FGF14: variants seen among roughly 807,000 people sequenced by gnomAD.
FGF14 encodes fibroblast growth factor 14.
FGF14 carries 5 observed loss-of-function variants against 25.5 expected under a neutral mutation model. That is an observed-to-expected ratio of 0.20 (90% CI 0.10 to 0.41). The LOEUF (loss-of-function observed/expected upper bound fraction) is 0.41. FGF14 is among the 10% of genes least tolerant of loss of function. The pLI, the probability that FGF14 is intolerant of heterozygous loss-of-function variation, is 1.00. For synonymous variants in FGF14, 138 were observed against 118.3 expected, an observed-to-expected ratio of 1.17 and a Z score of -1.08; for missense variants, 222 against 320.1, an observed-to-expected ratio of 0.69 and a Z score of 2.34.
rs2034661376 is a variant in FGF14, at chr13:101,715,212, C to T, written c.*7619G>A. On this transcript the variant is annotated 3_prime_UTR_variant, in exon 5 of 5. Transcript: ENST00000376143. ...TCTCTTCACGGATTACTTGGCCTGC[C>T]TCATGTTATGTCAAAGAGCCTTATG... The T allele has an allele frequency of 4.9e-6, 1 of 202,298 alleles. No homozygotes were observed. The highest frequency in any genetic ancestry group is 1.0e-5 in the Non-Finnish European group (1 of 98,774). The allele number at this position is 202,298 out of a possible 1,614,324, so 12.5% of individuals were successfully genotyped here. A position where few individuals can be genotyped will look rare whatever the true frequency, so the allele number is the denominator to read the frequency against.
chr13:102,027,516 GT>G (rs1328259879), intron 1 of FGF14, among the ~76,000 whole-genome samples: 3 of 151,960 alleles, frequency 2.0e-5, no homozygotes, highest in Non-Finnish European at 4.4e-5. Flanking sequence ...TGTTGCAAAG[GT>G]TTAAATTATC....
At chr13:101,941,526 C>T (rs1046118487) in intron 1 of FGF14, among the ~76,000 whole-genome samples, 2 of 152,132 alleles carry the variant, frequency 1.3e-5, no homozygotes, top group Non-Finnish European at 2.9e-5. Flanking sequence ...AACAAACTGT[C>T]CTGAGTTGCA....
intron 1 of FGF14, among the ~76,000 whole-genome samples, chr13:101,894,112 G>T (rs538210351): frequency 8.1e-4 from 122 of 151,502 alleles, no homozygotes; most frequent in South Asian, 5.9e-3. Context: ...TTTTGCATTT[G>T]GAATAGCCCT....
intron 1 of FGF14, among the ~76,000 whole-genome samples, chr13:102,335,634 G>C (rs986148592): frequency 6.6e-6 from 1 of 152,176 alleles, no homozygotes; most frequent in Non-Finnish European, 1.5e-5. Flanking sequence ...GGAAGTACCA[G>C]ATACAATGCA....
intron 3 of FGF14, among the ~76,000 whole-genome samples, chr13:101,806,701 T>C (rs1370429523): frequency 6.6e-6 from 1 of 152,150 alleles, no homozygotes; most frequent in African/African-American, 2.4e-5. Flanking sequence ...CTGAAAATGT[T>C]ATTTAATTTG....
chr13:102,163,659 G>C (rs1475636138), intron 1 of FGF14, among the ~76,000 whole-genome samples: 1 of 152,116 alleles, frequency 6.6e-6, no homozygotes, highest in Admixed American at 6.6e-5. Context: ...TGATCTGGCT[G>C]GCTGCAAAGG....
chr13:102,325,605 C>G (rs1320840128), intron 1 of FGF14, among the ~76,000 whole-genome samples: 3 of 152,168 alleles, frequency 2.0e-5, no homozygotes, highest in African/African-American at 7.2e-5. Context: ...TTCAAGAGGC[C>G]TGCACTGTCC....
chr13:102,326,340 T>C (rs1313791701), intron 1 of FGF14, among the ~76,000 whole-genome samples: 1 of 152,126 alleles, frequency 6.6e-6, no homozygotes, highest in South Asian at 2.1e-4. Context: ...GCCGAACTTA[T>C]ATAGAATTAT....
chr13:101,826,143 C>T (rs545956577), intron 3 of FGF14, among the ~76,000 whole-genome samples: 33 of 152,128 alleles, frequency 2.2e-4, no homozygotes, highest in South Asian at 1.5e-3. Context: ...ATTTCAAAAA[C>T]GAGAATTTTC....
At chr13:101,992,199 C>G (rs1348313550) in intron 1 of FGF14, among the ~76,000 whole-genome samples, 2 of 152,062 alleles carry the variant, frequency 1.3e-5, no homozygotes, top group African/African-American at 4.8e-5. Flanking sequence ...AACTACAAGC[C>G]TCAGATGCTA....
At chr13:102,269,053 C>T (rs2053126973) in intron 1 of FGF14, among the ~76,000 whole-genome samples, 1 of 152,126 alleles carries the variant, frequency 6.6e-6, no homozygotes, top group African/African-American at 2.4e-5. Flanking sequence ...CTGAGAAAAA[C>T]ATAATTCAAG....
chr13:101,801,725 G>A (rs1017287574), intron 3 of FGF14, among the ~76,000 whole-genome samples: 4 of 152,184 alleles, frequency 2.6e-5, no homozygotes, highest in Admixed American at 1.3e-4. Flanking sequence ...AGTGTTGATG[G>A]TGAAATGGAA....
intron 1 of FGF14, among the ~76,000 whole-genome samples, chr13:102,325,715 T>C (rs1594856243): frequency 6.6e-6 from 1 of 152,180 alleles, no homozygotes; most frequent in East Asian, 1.9e-4. Flanking sequence ...CCATCCTCGG[T>C]CACACTATGT....
At chr13:102,120,776 T>A (rs1218139668) in intron 1 of FGF14, among the ~76,000 whole-genome samples, 1 of 150,976 alleles carries the variant, frequency 6.6e-6, no homozygotes, top group Non-Finnish European at 1.5e-5. Flanking sequence ...CGATCTCAGC[T>A]CACTGCAACC....
chr13:101,841,604 T>C (rs1334014112), intron 3 of FGF14, among the ~76,000 whole-genome samples: 1 of 152,028 alleles, frequency 6.6e-6, no homozygotes, highest in Admixed American at 6.6e-5. Context: ...GCAAGAAAAG[T>C]GTTCAGAGGT....
chr13:102,027,542 T>G (rs2040993868), intron 1 of FGF14, among the ~76,000 whole-genome samples: 1 of 152,064 alleles, frequency 6.6e-6, no homozygotes, highest in African/African-American at 2.4e-5. Flanking sequence ...ATTCCCCCAA[T>G]TTACTTATTC....
chr13:102,219,917 T>C (rs936265394), intron 1 of FGF14, among the ~76,000 whole-genome samples: 15 of 152,178 alleles, frequency 9.9e-5, no homozygotes, highest in African/African-American at 3.4e-4. Context: ...ATAATTATCA[T>C]TGGAAGACTA....
At chr13:102,315,528 G>C (rs2055979523) in intron 1 of FGF14, among the ~76,000 whole-genome samples, 1 of 152,246 alleles carries the variant, frequency 6.6e-6, no homozygotes, top group African/African-American at 2.4e-5. Context: ...CTTGTATTTG[G>C]CACAGTTTGG....
chr13:101,938,839 C>T (rs1040851961), intron 1 of FGF14, among the ~76,000 whole-genome samples: 1 of 152,188 alleles, frequency 6.6e-6, no homozygotes, highest in Non-Finnish European at 1.5e-5. Context: ...GATGATAATT[C>T]AGAATTATCC....
Sources: allele counts gnomAD v4.1 joint callset (sites outside exome capture counted in the v4.1 genomes callset), GRCh38; gene constraint gnomAD v4.1.1; transcripts MANE v1.5; gene names NCBI Gene and HGNC (gene_info 2026-07-23, HGNC 2026-07-21).